The following STX18 variants were observed in gnomAD, a reference collection of about 807,000 sequenced individuals.
The protein encoded by STX18 is syntaxin 18, also known as syntaxin-18.
STX18 carries 40 observed loss-of-function variants against 50.1 expected under a neutral mutation model. That is an observed-to-expected ratio of 0.80 (90% CI 0.62 to 1.04). The LOEUF (loss-of-function observed/expected upper bound fraction) is 1.04, where lower values mean the gene tolerates loss of function less well. Among genes scored for constraint, STX18 ranks in the 50% least tolerant of loss-of-function variants. The probability of loss-of-function intolerance (pLI) is 0.00; values close to 1 mark genes in which losing one functional copy is unlikely to be tolerated. For missense variants in STX18, 410 were observed against 415.8 expected, an observed-to-expected ratio of 0.99 and a Z score of 0.12; for synonymous variants, 158 against 151.8, an observed-to-expected ratio of 1.04 and a Z score of -0.30.
intron 1 of STX18, among the ~76,000 whole-genome samples, chr4:4,526,176 G>A (rs946724248): frequency 6.6e-6 from 1 of 152,188 alleles, no homozygotes; most frequent in African/African-American, 2.4e-5. Context: ...CCGTGCAGTG[G>A]CTTAGCTTGG....
At chr4:4,499,729 T>C (rs1416137328) in intron 1 of STX18, among the ~76,000 whole-genome samples, 1 of 152,202 alleles carries the variant, frequency 6.6e-6, no homozygotes, top group East Asian at 1.9e-4. Flanking sequence ...CAACAATCAC[T>C]GGGCAAAAAA....
intron 1 of STX18, among the ~76,000 whole-genome samples, chr4:4,522,940 A>G (rs1162301993): frequency 6.6e-6 from 1 of 152,268 alleles, no homozygotes; most frequent in Non-Finnish European, 1.5e-5. Flanking sequence ...ACAGAAATGT[A>G]CAAACACATG....
chr4:4,440,381 A>G (rs896071189), intron 5 of STX18, among the ~76,000 whole-genome samples: 3 of 152,366 alleles, frequency 2.0e-5, no homozygotes, highest in African/African-American at 4.8e-5. Flanking sequence ...AAAGGAGGAA[A>G]CTGAGGTGTA....
chr4:4,509,343 G>A (rs1261411821), intron 1 of STX18, among the ~76,000 whole-genome samples: 2 of 151,950 alleles, frequency 1.3e-5, no homozygotes, highest in African/African-American at 2.4e-5. Flanking sequence ...TATGTTTGCT[G>A]GCTGCATGTA....
At chr4:4,531,978 A>G (rs963252152) in intron 1 of STX18, among the ~76,000 whole-genome samples, 1 of 152,236 alleles carries the variant, frequency 6.6e-6, no homozygotes, top group African/African-American at 2.4e-5. Flanking sequence ...AATAGCTTTC[A>G]ACAGGGGTTC....
chr4:4,485,239 A>C (rs555143821), intron 1 of STX18, among the ~76,000 whole-genome samples: 1 of 152,346 alleles, frequency 6.6e-6, no homozygotes, highest in Admixed American at 6.5e-5. Context: ...CACTGATGAA[A>C]ATAATGTCTG....
At chr4:4,475,691 T>C (rs1224288592) in intron 1 of STX18, among the ~76,000 whole-genome samples, 1 of 152,244 alleles carries the variant, frequency 6.6e-6, no homozygotes, top group African/African-American at 2.4e-5. Context: ...CAGAATAAAC[T>C]GGCAAAGACC....
chr4:4,489,525 T>C lies in STX18; in HGVS notation c.169-17819A>G, dbSNP rs180926083. Among the ~76,000 whole-genome samples the C allele has an allele frequency of 6.8e-5, 10 of 146,948 alleles. No individual in the cohort carries two copies. In the East Asian group the frequency reaches 8.2e-4, roughly 12 times the overall value. On this transcript the variant is annotated intron_variant, in intron 1 of 10. Transcript: ENST00000306200. ...TCAGCCTCCCAAAGTGCTGGGATTA[T>C]AGGCATGAGCCACCACACCCGGCCA...
chr4:4,507,419 A>T, intron 1 of STX18: 1 of 758,390 alleles, frequency 1.3e-6, no homozygotes, highest in Non-Finnish European at 2.5e-6. Flanking sequence ...AAATCTTTCC[A>T]GAAAATCCAA....
intron 1 of STX18, among the ~76,000 whole-genome samples, chr4:4,535,213 T>C (rs1731274982): frequency 6.6e-6 from 1 of 152,272 alleles, no homozygotes. Context: ...AACAGGTTAA[T>C]ATGCCTCATA....
At chr4:4,423,397 G>T in intron 9 of STX18, 121 bp downstream of exon 9, 2 of 931,760 alleles carry the variant, frequency 2.1e-6, no homozygotes, top group South Asian at 1.4e-5. Context: ...ACACCTGCTA[G>T]CAACACATGG....
chr4:4,482,354 C>T (rs745626907), intron 1 of STX18, among the ~76,000 whole-genome samples: 33 of 152,192 alleles, frequency 2.2e-4, no homozygotes, highest in Non-Finnish European at 2.6e-4. Flanking sequence ...GTCCCACTGA[C>T]GCCTCAAAAG....
rs935791764 is a variant in STX18, at chr4:4,541,926, G to A, written c.39C>T (p.Val13=). 5 of 1,609,478 alleles carry A rather than the reference G, an allele frequency of 3.1e-6. No individual in the cohort carries two copies. In the Middle Eastern group the frequency reaches 5.2e-4, roughly 168 times the overall value. ...VDITLLFRAS[V]KTVKTRNKAL... ...CCTTGTTCCGCGTCTTCACGGTCTT[G>A]ACGCTGGCCCGGAATAGCAGCGTGA... Residue 13 remains valine (V), a synonymous_variant, in exon 1 of 11, where the codon GTC becomes GTT. Coordinates refer to ENST00000306200, the MANE Select transcript of STX18 (RefSeq NM_016930.4).
intron 1 of STX18, among the ~76,000 whole-genome samples, chr4:4,482,304 C>G (rs935145157): frequency 4.6e-5 from 7 of 152,148 alleles, no homozygotes; most frequent in Admixed American, 3.9e-4. Flanking sequence ...TGTGTTCAAG[C>G]TGAGTGTATC....
intron 2 of STX18, among the ~76,000 whole-genome samples, chr4:4,466,533 G>A (rs1299178698): frequency 6.6e-6 from 1 of 152,148 alleles, no homozygotes; most frequent in Non-Finnish European, 1.5e-5. Flanking sequence ...AGGAGAGGAA[G>A]GGACAAAGAG....
rs926255816 is a variant in STX18, at chr4:4,419,761, A to G, written c.*273T>C. On this transcript the variant is annotated 3_prime_UTR_variant, in exon 11 of 11. Coordinates refer to ENST00000306200, the MANE Select transcript of STX18 (RefSeq NM_016930.4). ...AAGTTCAAGGAGCAGCTAATCACCCACTCCTGCATTCAGTCTGTCTTGCCT... is the reference window on the plus strand; with the variant it reads ...AAGTTCAAGGAGCAGCTAATCACCCGCTCCTGCATTCAGTCTGTCTTGCCT... 11 of 321,478 alleles carry G rather than the reference A, an allele frequency of 3.4e-5. No individual in the cohort carries two copies. The highest frequency in any genetic ancestry group is 2.1e-4 in the African/African-American group (10 of 47,032). The allele number at this position is 321,478 out of a possible 1,614,324, so 19.9% of individuals were successfully genotyped here. A position where few individuals can be genotyped will look rare whatever the true frequency, so the allele number is the denominator to read the frequency against.
chr4:4,526,993 T>A (rs1730800532), intron 1 of STX18, among the ~76,000 whole-genome samples: 1 of 152,210 alleles, frequency 6.6e-6, no homozygotes, highest in South Asian at 2.1e-4. Context: ...ATAGCTCTTC[T>A]TTTTCTTCCT....
chr4:4,422,395 C>T (rs1271696861), intron 9 of STX18, among the ~76,000 whole-genome samples: 1 of 151,836 alleles, frequency 6.6e-6, no homozygotes, highest in African/African-American at 2.4e-5. Context: ...GGTGAAACCC[C>T]GTCTTTACTA....
Position 4,420,154 on chromosome 4 carries a change from G to T in STX18, c.913-25C>A. On this transcript the variant is annotated intron_variant, in intron 10 of 10. Coordinates refer to ENST00000306200, the MANE Select transcript of STX18 (RefSeq NM_016930.4). This position sits in a 1 kb window ranked among gnomAD's most constrained non-coding sequence, Gnocchi z 4.3. ...CCTGGGCAGGGACGGGAGCACAGGTGTTTTTATCACACAGGATTTTGGTTT... is the reference window on the plus strand; with the variant it reads ...CCTGGGCAGGGACGGGAGCACAGGTTTTTTTATCACACAGGATTTTGGTTT... The T allele has an allele frequency of 6.3e-7, 1 of 1,584,488 alleles. No individual in the cohort carries two copies.
Sources: allele counts gnomAD v4.1 joint callset (sites outside exome capture counted in the v4.1 genomes callset), GRCh38; gene constraint gnomAD v4.1.1; non-coding constraint Gnocchi (gnomAD v3.1); transcripts MANE v1.5; gene names NCBI Gene and HGNC (gene_info 2026-07-23, HGNC 2026-07-21).